The following HSF5 variants were observed in gnomAD, a reference collection of about 807,000 sequenced individuals.
HSF5 encodes heat shock factor protein 5.
HSF5 carries 5 observed loss-of-function variants against 50.8 expected under a neutral mutation model. That is an observed-to-expected ratio of 0.10 (90% CI 0.05 to 0.21). HSF5 has a LOEUF of 0.21. Among genes scored for constraint, HSF5 ranks in the 10% least tolerant of loss-of-function variants. The pLI, the probability that HSF5 is intolerant of heterozygous loss-of-function variation, is 1.00. For missense variants in HSF5, 564 were observed against 762.6 expected, an observed-to-expected ratio of 0.74 and a Z score of 3.07; for synonymous variants, 307 against 307.4, an observed-to-expected ratio of 1.00 and a Z score of 0.02.
intron 2 of HSF5, among the ~76,000 whole-genome samples, chr17:58,467,983 C>T (rs192827701): frequency 1.4e-4 from 21 of 152,338 alleles, no homozygotes; most frequent in Admixed American, 1.2e-3. Flanking sequence ...AAATGCTTTA[C>T]ATACATTGCC....
rs971064634 is a variant in HSF5, at chr17:58,460,021, C to T, written c.1543-1076G>A. Among the ~76,000 whole-genome samples, 5 of 151,758 alleles carry T rather than the reference C, an allele frequency of 3.3e-5. No individual in the cohort carries two copies. The South Asian group carries it at 6.3e-4, about 19-fold the overall frequency. ...CTATATCTGCCCTGTTTATAAAATA[C>T]AAATTTCTTTCTTTCAGACAGGGTC... On this transcript the variant is annotated intron_variant, in intron 4 of 5. Coordinates refer to ENST00000323777, the MANE Select transcript of HSF5 (RefSeq NM_001080439.3).
intron 5 of HSF5, among the ~76,000 whole-genome samples, chr17:58,423,624 C>T (rs370556614): frequency 2.6e-5 from 4 of 151,704 alleles, no homozygotes; most frequent in East Asian, 3.9e-4. Context: ...GGATTACAGG[C>T]GCACACCACC....
At chr17:58,470,973 TATGAG>T (rs1893446177) in intron 2 of HSF5, among the ~76,000 whole-genome samples, 1 of 152,150 alleles carries the variant, frequency 6.6e-6, no homozygotes, top group South Asian at 2.1e-4. Context: ...ATTCCACTTA[TATGAG>T]ATATTTAGAA....
At chr17:58,469,743 T>G (rs1974920540) in intron 2 of HSF5, among the ~76,000 whole-genome samples, 1 of 152,220 alleles carries the variant, frequency 6.6e-6, no homozygotes, top group African/African-American at 2.4e-5. Context: ...CAAAGAACTT[T>G]CAGTGTCTTC....
chr17:58,424,099 T>A (rs537408071), intron 5 of HSF5, among the ~76,000 whole-genome samples: 16 of 152,204 alleles, frequency 1.1e-4, no homozygotes, highest in African/African-American at 3.9e-4. Flanking sequence ...CCTAGCCATA[T>A]AGAACAAGTA....
At chr17:58,441,718 C>T (rs1248160882) in intron 5 of HSF5, among the ~76,000 whole-genome samples, 1 of 152,116 alleles carries the variant, frequency 6.6e-6, no homozygotes, top group Non-Finnish European at 1.5e-5. Context: ...ATGGAGACAA[C>T]AAATAGAAAA....
At chr17:58,449,895 C>T (rs1476800370) in intron 5 of HSF5, among the ~76,000 whole-genome samples, 1 of 147,614 alleles carries the variant, frequency 6.8e-6, no homozygotes, top group Admixed American at 6.7e-5. Flanking sequence ...TAGTGGCGGG[C>T]GCCTGTAGTC....
chr17:58,486,589 T>C (rs1451086786), intron 1 of HSF5, among the ~76,000 whole-genome samples: 2 of 152,216 alleles, frequency 1.3e-5, no homozygotes, highest in African/African-American at 4.8e-5. Flanking sequence ...TGTCTAATCA[T>C]ACCCCTTTAA....
rs933486584 is a variant in HSF5, at chr17:58,476,950, T to C, written c.925+2943A>G. 1.6e-5 allele frequency: 11 copies of C among 684,806 alleles called. No individual in the cohort carries two copies. The Admixed American group carries it at 3.0e-4, about 18-fold the overall frequency. 42.4% of individuals were successfully genotyped at this position (684,806 alleles called of 1,614,324 possible). A position where few individuals can be genotyped will look rare whatever the true frequency, so the allele number is the denominator to read the frequency against. On this transcript the variant is annotated intron_variant, in intron 2 of 5. Transcript: ENST00000323777. ...TACTGATTTTGGCAGCGGACGCCCA[T>C]GTGGCACGGTTGGGAGACGGGGGCG...
chr17:58,430,911 C>T (rs568656862), intron 5 of HSF5, among the ~76,000 whole-genome samples: 1 of 152,314 alleles, frequency 6.6e-6, no homozygotes, highest in African/African-American at 2.4e-5. Context: ...TTACACAAAC[C>T]TAGATGGTAT....
intron 3 of HSF5, 83 bp from the exon 4 acceptor site, chr17:58,463,386 A>C: frequency 9.4e-7 from 1 of 1,059,590 alleles, no homozygotes; most frequent in East Asian, 2.4e-5. Context: ...TAGGCTGATG[A>C]GTGCTAAACA....
At chr17:58,470,643 C>G (rs1351500305) in intron 2 of HSF5, among the ~76,000 whole-genome samples, 1 of 152,044 alleles carries the variant, frequency 6.6e-6, no homozygotes, top group Non-Finnish European at 1.5e-5. Context: ...AGATGGTAAA[C>G]TTGGATGGGC....
Position 58,462,960 on chromosome 17 carries a change from G to A in HSF5, c.1364C>T (p.Pro455Leu). The part of the protein sequence containing the change: ...GTEQAVACSL[P>L]QSPEYIYTIH... ...GGTATAGATGTACTCAGGTGACTGT[G>A]GTAGAGAGCAGGCAACTGCTTGTTC... Residue 455 changes from proline (P) to leucine (L), a missense_variant, in exon 4 of 6, where the codon CCA becomes CTA. Physicochemically the swap from Pro to Leu is moderately conservative, Grantham distance 98. Transcript: ENST00000323777. 6.2e-7 allele frequency: 1 copy of A among 1,614,222 alleles called. No homozygotes were observed. The highest frequency in any genetic ancestry group is 8.5e-7 in the Non-Finnish European group (1 of 1,180,038).
chr17:58,480,349 A>G (rs1975080205), intron 1 of HSF5, 82 bp from the exon 2 acceptor site: 2 of 1,356,534 alleles, frequency 1.5e-6, no homozygotes, highest in Non-Finnish European at 2.0e-6. Flanking sequence ...AAAATATGCT[A>G]CTCTTCACCT....
chr17:58,488,045 A>T lies in HSF5; in HGVS notation c.230T>A (p.Phe77Tyr). 6.2e-7 allele frequency: 1 copy of T among 1,603,532 alleles called. No homozygotes were observed. The highest frequency in any genetic ancestry group is 8.5e-7 in the Non-Finnish European group (1 of 1,177,160). The part of the protein sequence containing the change: ...AEPELFKTTS[F>Y]TSFIRQLNLY... ...GTTGAGCTGGCGGATGAAGCTGGTG[A>T]AGCTGGTGGTTTTGAAGAGCTCGGG... Residue 77 changes from phenylalanine to tyrosine, a missense_variant, in exon 1 of 6, where the codon TTC becomes TAC. By Grantham distance (22) the Phe-to-Tyr change is conservative. Around this residue, in one of 5 missense-constraint regions of HSF5, gnomAD observed 72 missense variants for 110.9 expected, o/e 0.65. Coordinates refer to ENST00000323777, the MANE Select transcript of HSF5 (RefSeq NM_001080439.3). This position sits in a 1 kb window ranked among gnomAD's most constrained non-coding sequence, Gnocchi z 4.1.
chr17:58,457,155 G>A (rs1974721994), intron 5 of HSF5, among the ~76,000 whole-genome samples: 1 of 151,982 alleles, frequency 6.6e-6, no homozygotes, highest in East Asian at 1.9e-4. Context: ...AGCTACTCAG[G>A]AGGCTGAGGC....
At chr17:58,479,832 T>C (rs985586756) in intron 2 of HSF5, 61 bp downstream of exon 2, 1 of 1,384,674 alleles carries the variant, frequency 7.2e-7, no homozygotes, top group African/African-American at 1.4e-5. Context: ...ATTTAAAATA[T>C]ATATATATGC....
intron 5 of HSF5, among the ~76,000 whole-genome samples, chr17:58,432,444 T>C (rs1404647316): frequency 6.6e-6 from 1 of 152,168 alleles, no homozygotes; most frequent in African/African-American, 2.4e-5. Flanking sequence ...AGCAGAGGAC[T>C]GAATGAAATG....
rs761030096 is a variant in HSF5 at position 58,487,699 on chromosome 17, C to G, written c.550+26G>C. The G allele has an allele frequency of 9.3e-5, 127 of 1,370,358 alleles. No homozygotes were observed. The Middle Eastern group carries it at 2.2e-3, about 24-fold the overall frequency. 84.9% of individuals were successfully genotyped at this position (1,370,358 alleles called of 1,614,324 possible). ...CCGCCGCCCATGTGCCCACTGTGGG[C>G]GAGGGCACGGGCAGTCCGGACTCAC... is the stretch of plus-strand genomic sequence containing the variant. On this transcript the variant is annotated intron_variant, in intron 1 of 5. Coordinates refer to ENST00000323777, the MANE Select transcript of HSF5 (RefSeq NM_001080439.3).
Sources: gnomAD v4.1 joint callset for allele counts (sites outside exome capture counted in the v4.1 genomes callset) on GRCh38, gnomAD v4.1.1 for gene constraint, gnomAD v4.1.1 regional missense constraint, Gnocchi (gnomAD v3.1) non-coding constraint, MANE v1.5 for transcripts, NCBI Gene and HGNC (gene_info 2026-07-23, HGNC 2026-07-21) for gene names.